ADAM12: variants seen among roughly 807,000 people sequenced by gnomAD.
ADAM12 encodes the protein ADAM metallopeptidase domain 12.
ADAM12 carries 70 observed loss-of-function variants against 106.4 expected under a neutral mutation model. The observed-to-expected ratio is 0.66, with a 90% CI of 0.54 to 0.80. The LOEUF (loss-of-function observed/expected upper bound fraction) is 0.80, where lower values mean the gene tolerates loss of function less well. Among genes scored for constraint, ADAM12 ranks in the 30% least tolerant of loss-of-function variants. The pLI is 0.00. For missense variants in ADAM12, 1,010 were observed against 1,171.9 expected, an observed-to-expected ratio of 0.86 and a Z score of 2.02; for synonymous variants, 420 against 433.5, an observed-to-expected ratio of 0.97 and a Z score of 0.39.
At chr10:126,223,495 G>C (rs1469428896) in intron 3 of ADAM12, among the ~76,000 whole-genome samples, 1 of 152,186 alleles carries the variant, frequency 6.6e-6, no homozygotes, top group Non-Finnish European at 1.5e-5. Flanking sequence ...TTGAATGCTT[G>C]AGCTGAGAGC....
rs76290440 is a variant in ADAM12, at chr10:126,326,452, A to G, written c.186+3960T>C. Among the ~76,000 whole-genome samples the G allele has an allele frequency of 8.2e-3, 1,243 of 152,266 alleles. 22 individuals are homozygous for G. The highest frequency in any genetic ancestry group is 0.028 in the African/African-American group (1,183 of 41,554). ...ACCTATGTAGCCAGGGCCAAAACAC[A>G]GGGGTTGTCCTTAACACCTTGAATC... On this transcript the variant is annotated intron_variant, in intron 2 of 22. Transcript: ENST00000448723.
At chr10:126,288,425 CA>C (rs929856248) in intron 2 of ADAM12, among the ~76,000 whole-genome samples, 3 of 151,730 alleles carry the variant, frequency 2.0e-5, no homozygotes, top group African/African-American at 7.3e-5. Context: ...ATCTTCGTGA[CA>C]AAAAAAATCC....
chr10:126,213,032 C>G (rs984396188), intron 3 of ADAM12, among the ~76,000 whole-genome samples: 1 of 152,078 alleles, frequency 6.6e-6, no homozygotes, highest in Admixed American at 6.5e-5. Context: ...CCCCACCCTT[C>G]GAAGCCTTCC....
At position 126,382,371 on chromosome 10, in the gene ADAM12, C is replaced by T. The variant is rs564288735; in HGVS notation, c.88+5687G>A. Among the ~76,000 whole-genome samples, 9 of 152,282 alleles carry T rather than the reference C, an allele frequency of 5.9e-5. No individual in the cohort carries two copies. In the East Asian group the frequency reaches 1.3e-3, roughly 23 times the overall value. On this transcript the variant is annotated intron_variant, in intron 1 of 22. Transcript: ENST00000448723. ...TCTGTACATAAGGACTCCCAGGAAT[C>T]GTGAAGGTGGGTTAGCAAAGTGCTA...
intron 3 of ADAM12, among the ~76,000 whole-genome samples, chr10:126,177,840 A>T (rs903248558): frequency 2.6e-5 from 4 of 152,202 alleles, no homozygotes; most frequent in Non-Finnish European, 5.9e-5. Context: ...CTTCACTATC[A>T]GGCTTTTGGC....
At chr10:126,341,357 TCAAA>T (rs1053065240) in intron 1 of ADAM12, among the ~76,000 whole-genome samples, 7 of 152,336 alleles carry the variant, frequency 4.6e-5, no homozygotes, top group African/African-American at 7.2e-5. Flanking sequence ...TGAATTATTA[TCAAA>T]CAAATTAAAA....
intron 2 of ADAM12, among the ~76,000 whole-genome samples, chr10:126,296,824 G>GT (rs996450513): frequency 2.2e-4 from 33 of 152,336 alleles, no homozygotes; most frequent in African/African-American, 7.7e-4. Flanking sequence ...TGCTTAGCTA[G>GT]TTTTTTGTTT....
intron 11 of ADAM12, among the ~76,000 whole-genome samples, chr10:126,086,838 A>G (rs1282617348): frequency 6.7e-6 from 1 of 150,066 alleles, no homozygotes; most frequent in East Asian, 2.0e-4. Flanking sequence ...GTTCCAGACC[A>G]GCCTGGCCAA....
chr10:126,304,513 A>G (rs1669917297), intron 2 of ADAM12, among the ~76,000 whole-genome samples: 1 of 152,162 alleles, frequency 6.6e-6, no homozygotes, highest in Non-Finnish European at 1.5e-5. Flanking sequence ...ACACGCTGTC[A>G]GCAAGAAACC....
At chr10:126,374,644 G>A (rs1370729020) in intron 1 of ADAM12, among the ~76,000 whole-genome samples, 2 of 152,120 alleles carry the variant, frequency 1.3e-5, no homozygotes, top group Admixed American at 1.3e-4. Flanking sequence ...ATTTAGACTT[G>A]TAGACATCAC....
intron 3 of ADAM12, among the ~76,000 whole-genome samples, chr10:126,206,733 T>G (rs901662283): frequency 1.2e-4 from 19 of 152,170 alleles, no homozygotes; most frequent in African/African-American, 4.6e-4. Flanking sequence ...TAGGAGGGTC[T>G]TCTTTCTCCT....
intron 3 of ADAM12, among the ~76,000 whole-genome samples, chr10:126,204,632 G>A (rs1306235441): frequency 1.3e-5 from 2 of 152,172 alleles, no homozygotes; most frequent in Admixed American, 6.5e-5. Context: ...TGAAAATGTG[G>A]CACCTTTGTT....
At chr10:126,352,081 C>G (rs931116639) in intron 1 of ADAM12, among the ~76,000 whole-genome samples, 1 of 152,162 alleles carries the variant, frequency 6.6e-6, no homozygotes, top group Non-Finnish European at 1.5e-5. Context: ...ATGGAGGTGT[C>G]CTCGGCGGTG....
chr10:126,046,142 G>A lies in ADAM12; in HGVS notation c.1918-10C>T, dbSNP rs538145139. 5.0e-6 allele frequency: 8 copies of A among 1,611,784 alleles called. No individual in the cohort carries two copies. The South Asian group carries it at 7.7e-5, about 15-fold the overall frequency. On this transcript the variant is annotated splice_polypyrimidine_tract_variant and intron_variant, in intron 16 of 22. Transcript: ENST00000448723. ...GACGATTCAGGCAGATCTGTAGGAG[G>A]AGGAAAACACAGCAAATCTCTTAGT...
intron 11 of ADAM12, among the ~76,000 whole-genome samples, chr10:126,074,317 C>T (rs12415903): frequency 0.31 from 46,785 of 151,984 alleles, 7,390 homozygotes; most frequent in South Asian, 0.43. Context: ...GAGCAGAGAA[C>T]GTCCGTAGAC....
At chr10:126,105,879 G>C (rs564315571) in intron 8 of ADAM12, among the ~76,000 whole-genome samples, 65 of 152,188 alleles carry the variant, frequency 4.3e-4, no homozygotes, top group Non-Finnish European at 8.7e-4. Context: ...CAACAGGCAG[G>C]GGTTGCCAGG....
intron 3 of ADAM12, among the ~76,000 whole-genome samples, chr10:126,199,218 G>A (rs987558805): frequency 6.6e-6 from 1 of 152,170 alleles, no homozygotes; most frequent in Non-Finnish European, 1.5e-5. Context: ...TCAGTAAAGT[G>A]TAAGAAAAAG....
chr10:126,356,008 C>T lies in ADAM12; in HGVS notation c.89-25499G>A, dbSNP rs193263904. Among the ~76,000 whole-genome samples the T allele has an allele frequency of 3.5e-3, 530 of 152,316 alleles. 5 individuals carry two copies. Among genetic ancestry groups the T allele is most frequent in the African/African-American group, 0.012 (501 of 41,574 alleles). ...CACCTGGGGAGAGAGCTCCCCACGA[C>T]TACACATTTTGGTAAAGAGCAAGAG... On this transcript the variant is annotated intron_variant, in intron 1 of 22. Coordinates refer to ENST00000448723, the MANE Select transcript of ADAM12 (RefSeq NM_001288973.2).
intron 1 of ADAM12, among the ~76,000 whole-genome samples, chr10:126,377,654 C>T (rs1036010636): frequency 3.3e-5 from 5 of 152,148 alleles, no homozygotes; most frequent in Admixed American, 2.0e-4. Flanking sequence ...TTAACCATCA[C>T]GCCAACCAAT....
Sources: allele counts gnomAD v4.1 joint callset (sites outside exome capture counted in the v4.1 genomes callset), GRCh38; gene constraint gnomAD v4.1.1; transcripts MANE v1.5; gene names NCBI Gene and HGNC (gene_info 2026-07-23, HGNC 2026-07-21).